CDH5: variants seen among roughly 807,000 people sequenced by gnomAD.
The protein encoded by CDH5 is cadherin 5.
CDH5 carries 28 observed loss-of-function variants against 62.0 expected under a neutral mutation model. The ratio of observed to expected loss-of-function variants is 0.45; its 90% CI spans 0.33 to 0.62. CDH5 has a LOEUF of 0.62. CDH5 is among the 20% of genes least tolerant of loss of function. The pLI is 0.02. For missense variants in CDH5, 940 were observed against 1,065.1 expected, an observed-to-expected ratio of 0.88 and a Z score of 1.63; for synonymous variants, 464 against 445.8, an observed-to-expected ratio of 1.04 and a Z score of -0.52.
intron 1 of CDH5, among the ~76,000 whole-genome samples, chr16:66,372,764 T>C (rs995838347): frequency 7.2e-5 from 11 of 152,154 alleles, no homozygotes; most frequent in African/African-American, 2.6e-4. Flanking sequence ...CCCCTTATTT[T>C]CCAAGGCTCC....
rs1063438 is a variant in CDH5 at position 66,403,228 on chromosome 16, A to T, written c.*59A>T. On this transcript the variant is annotated 3_prime_UTR_variant, in exon 12 of 12. Coordinates refer to ENST00000341529, the MANE Select transcript of CDH5 (RefSeq NM_001795.5). This position sits in a 1 kb window ranked among gnomAD's most constrained non-coding sequence, Gnocchi z 4.3. ...ACCCCCTGCAGCCCAGGCCAGTCAG[A>T]CGCCAGGCACCACAGCCTCCAAAAA... The T allele has an allele frequency of 0.65, 972,289 of 1,493,138 alleles. 318,348 individuals carry two copies. The highest frequency in any genetic ancestry group is 0.81 in the Admixed American group (39,714 of 48,900). The allele number at this position is 1,493,138 out of a possible 1,614,324, so 92.5% of individuals were successfully genotyped here.
At chr16:66,372,871 G>A (rs976485889) in intron 1 of CDH5, among the ~76,000 whole-genome samples, 1 of 152,214 alleles carries the variant, frequency 6.6e-6, no homozygotes, top group African/African-American at 2.4e-5. Flanking sequence ...TCCCCAGACT[G>A]AGGGAGGGTA....
At chr16:66,367,026 C>T in intron 1 of CDH5, among the ~76,000 whole-genome samples, 1 of 152,254 alleles carries the variant, frequency 6.6e-6, no homozygotes, top group East Asian at 1.9e-4. Context: ...TATTCTCCAA[C>T]TCAAAAAGGC....
At chr16:66,400,154 G>A (rs1961255129) in intron 10 of CDH5, among the ~76,000 whole-genome samples, 1 of 152,222 alleles carries the variant, frequency 6.6e-6, no homozygotes, top group Admixed American at 6.5e-5. Flanking sequence ...CTTGGGTACA[G>A]GAAACCACTG....
At position 66,402,654 on chromosome 16, in the gene CDH5, A is replaced by G. The variant is rs922087088; in HGVS notation, c.1840A>G (p.Ile614Val). The change falls in exon 12 of 12, where the codon ATC becomes GTC. Residue 614 changes from isoleucine to valine, a missense_variant and splice_region_variant. Ile to Val is a conservative substitution (Grantham distance 29, BLOSUM62 3). Transcript: ENST00000341529. ...ILLCILTITV[I>V]TLLIFLRRRL... ...GCTGCTCGGCTCCCTGGCTGCAGTG[A>G]TCACCCTGCTCATCTTCCTGCGGCG... 5.0e-6 allele frequency: 8 copies of G among 1,585,378 alleles called. No individual in the cohort carries two copies. The highest frequency in any genetic ancestry group is 6.9e-6 in the Non-Finnish European group (8 of 1,167,738).
rs1961182206 is a variant in CDH5 at position 66,396,167 on chromosome 16, C to T, written c.1326C>T (p.Asn442=). ...ACAGAGAAGTCTACCCCTGGTATAACCTGACTGTGGAGGCCAAAGAACTGG... is the reference window on the plus strand; with the variant it reads ...ACAGAGAAGTCTACCCCTGGTATAATCTGACTGTGGAGGCCAAAGAACTGG... ...ELDREVYPWY[N]LTVEAKELDS... The change falls in exon 8 of 12, where the codon AAC becomes AAT. Residue 442 remains asparagine, a synonymous_variant. Coordinates refer to ENST00000341529, the MANE Select transcript of CDH5 (RefSeq NM_001795.5). 6.2e-7 allele frequency: 1 copy of T among 1,614,082 alleles called. No individual in the cohort carries two copies. The highest frequency in any genetic ancestry group is 1.3e-5 in the African/African-American group (1 of 74,952).
Position 66,387,225 on chromosome 16 carries a change from G to A in CDH5, c.499+128G>A, listed in dbSNP as rs1398389588. 4.8e-6 allele frequency: 4 copies of A among 831,540 alleles called. No individual in the cohort carries two copies. In the African/African-American group the frequency reaches 6.9e-5, roughly 14 times the overall value. 51.5% of individuals were successfully genotyped at this position (831,540 alleles called of 1,614,324 possible). On this transcript the variant is annotated intron_variant, in intron 3 of 11. Transcript: ENST00000341529. ...TCAGGGTAGTGATTGTAATGCCTGT[G>A]TTGCCACTTTACATGATTTGAAAGA...
intron 1 of CDH5, among the ~76,000 whole-genome samples, chr16:66,370,181 G>A (rs1009901526): frequency 1.3e-4 from 20 of 152,100 alleles, no homozygotes; most frequent in Non-Finnish European, 2.6e-4. Context: ...TGTATTTTTA[G>A]TAGAGACGGG....
rs1052689479 is a variant in CDH5 at position 66,395,898 on chromosome 16, T to C, written c.1218-161T>C. 16 of 648,378 alleles carry C rather than the reference T, an allele frequency of 2.5e-5. No individual in the cohort carries two copies. In the African/African-American group the frequency reaches 2.6e-4, roughly 10 times the overall value. 40.2% of individuals were successfully genotyped at this position (648,378 alleles called of 1,614,324 possible). A position where few individuals can be genotyped will look rare whatever the true frequency, so the allele number is the denominator to read the frequency against. On this transcript the variant is annotated intron_variant, in intron 7 of 11. Transcript: ENST00000341529. ...TCTTGCTATCCTGAATCCCTCTGTG[T>C]AGGTCCACTCTTGTCTGAGTGGCAG...
In CDH5 at chr16:66,400,831, A is replaced by G. The variant is rs761878061; in HGVS notation, c.1652A>G (p.His551Arg). The G allele has an allele frequency of 6.8e-6, 11 of 1,614,106 alleles. No individual in the cohort carries two copies. In the African/African-American group the frequency reaches 1.3e-4, roughly 20 times the overall value. The stretch of plus-strand genomic sequence containing the variant: ...TTTGACCGGGAGCATACCAAGGTCC[A>G]CTTCCTACCCGTGGTCATCTCAGAC... ...GQFDREHTKV[H>R]FLPVVISDNG... Residue 551 changes from histidine (H) to arginine (R), a missense_variant, in exon 11 of 12, where the codon CAC becomes CGC. Coordinates refer to ENST00000341529, the MANE Select transcript of CDH5 (RefSeq NM_001795.5).
chr16:66,399,524 C>T (rs1961245177), intron 10 of CDH5, among the ~76,000 whole-genome samples: 1 of 152,166 alleles, frequency 6.6e-6, no homozygotes, highest in African/African-American at 2.4e-5. Flanking sequence ...AGGGATCAAC[C>T]ACAGACCAGT....
At chr16:66,397,878 T>G (rs1418354876) in intron 8 of CDH5, 104 bp from the exon 9 acceptor site, 22 of 1,343,928 alleles carry the variant, frequency 1.6e-5, no homozygotes, top group Non-Finnish European at 2.3e-5. Flanking sequence ...AGCCTCCTCC[T>G]GCAAAAAGTG....
In CDH5 at chr16:66,404,616, A is replaced by G. The variant is rs532491716; in HGVS notation, c.*1447A>G. ...AATAAGCAGGTTGTTATTTAGGTTAACAATATTAATTCAGGTTTTTTAGTT... is the reference window on the plus strand; with the variant it reads ...AATAAGCAGGTTGTTATTTAGGTTAGCAATATTAATTCAGGTTTTTTAGTT... On this transcript the variant is annotated 3_prime_UTR_variant, in exon 12 of 12. Transcript: ENST00000341529. The G allele has an allele frequency of 1.3e-5, 2 of 152,650 alleles. No individual in the cohort carries two copies. The highest frequency in any genetic ancestry group is 4.1e-4 in the South Asian group (2 of 4,824). The allele number at this position is 152,650 out of a possible 1,614,324, so 9.5% of individuals were successfully genotyped here.
intron 1 of CDH5, chr16:66,376,564 A>T (rs151162651): frequency 6.6e-6 from 1 of 152,266 alleles, no homozygotes; most frequent in African/African-American, 2.4e-5. Context: ...TAAGGAAACC[A>T]ACCACTGCCT....
Position 66,403,118 on chromosome 16 carries a change from G to A in CDH5, c.2304G>A (p.Lys768=). 1 of 1,613,668 alleles carries A rather than the reference G, an allele frequency of 6.2e-7. No individual in the cohort carries two copies. Among genetic ancestry groups the A allele is most frequent in the Non-Finnish European group, 8.5e-7 (1 of 1,179,946 alleles). The change falls in exon 12 of 12, where the codon AAG becomes AAA. Residue 768 remains lysine (K), a synonymous_variant. Transcript: ENST00000341529. The surrounding 1 kb of genome is among the most constrained non-coding windows in gnomAD (Gnocchi z 4.3). ...DFLNDWGPRF[K]MLAELYGSDP... ...TTAACGACTGGGGACCCAGGTTTAAGATGCTGGCTGAGCTGTACGGCTCGG... is the reference window on the plus strand; with the variant it reads ...TTAACGACTGGGGACCCAGGTTTAAAATGCTGGCTGAGCTGTACGGCTCGG...
Position 66,403,405 on chromosome 16 carries a change from G to C in CDH5, c.*236G>C. ...GCTGGCAAATCCAGGCTGGTGTTCT[G>C]TCTGGGCTCAGACATCCACATAACC... On this transcript the variant is annotated 3_prime_UTR_variant, in exon 12 of 12. Transcript: ENST00000341529. This position sits in a 1 kb window ranked among gnomAD's most constrained non-coding sequence, Gnocchi z 4.3. The C allele has an allele frequency of 1.8e-6, 1 of 557,938 alleles. No homozygotes were observed. The highest frequency in any genetic ancestry group is 3.2e-6 in the Non-Finnish European group (1 of 311,362). The allele number at this position is 557,938 out of a possible 1,614,324, so 34.6% of individuals were successfully genotyped here. A position where few individuals can be genotyped will look rare whatever the true frequency, so the allele number is the denominator to read the frequency against.
intron 7 of CDH5, 131 bp from the exon 8 acceptor site, chr16:66,395,928 C>CATTAAAAA: frequency 1.2e-6 from 1 of 830,696 alleles, no homozygotes; most frequent in Non-Finnish European, 1.9e-6. Context: ...TGGCAGAGTG[C>CATTAAAAA]AATGAGCAGT....
Position 66,379,301 on chromosome 16 carries a change from T to C in CDH5, c.-19-18T>C. 6.4e-7 allele frequency: 1 copy of C among 1,557,704 alleles called. No homozygotes were observed. Among genetic ancestry groups the C allele is most frequent in the African/African-American group, 1.4e-5 (1 of 73,702 alleles). The stretch of plus-strand genomic sequence containing the variant: ...ATCGTCACTGGCCAGAGTCTGAATG[T>C]GTCTCCTCTTTCCCCAGATCTGTTC... On this transcript the variant is annotated intron_variant, in intron 1 of 11. Transcript: ENST00000341529.
chr16:66,367,379 A>G (rs560190417), intron 1 of CDH5, among the ~76,000 whole-genome samples: 5 of 152,190 alleles, frequency 3.3e-5, no homozygotes, highest in South Asian at 2.1e-4. Context: ...CCCAAACACC[A>G]TCGGGGCCCA....
Sources: allele counts gnomAD v4.1 joint callset (sites outside exome capture counted in the v4.1 genomes callset), GRCh38; gene constraint gnomAD v4.1.1; non-coding constraint Gnocchi (gnomAD v3.1); transcripts MANE v1.5; gene names NCBI Gene and HGNC (gene_info 2026-07-23, HGNC 2026-07-21).